Variants in TMEM132D observed in about 807,000 individuals in gnomAD.
The protein encoded by TMEM132D is transmembrane protein 132D.
Under a neutral mutation model 62.3 loss-of-function variants are expected in TMEM132D, and 21 were observed. The ratio of observed to expected loss-of-function variants is 0.34; its 90% CI spans 0.24 to 0.49. The LOEUF is 0.49. Ranked by LOEUF, TMEM132D falls within the 20% of genes least tolerant of loss-of-function variation. The pLI is 0.99. For synonymous variants in TMEM132D, 621 were observed against 575.6 expected, an observed-to-expected ratio of 1.08 and a Z score of -1.13; for missense variants, 1,346 against 1,402.8, an observed-to-expected ratio of 0.96 and a Z score of 0.65.
intron 4 of TMEM132D, among the ~76,000 whole-genome samples, chr12:129,244,806 A>G (rs1880049253): frequency 6.6e-6 from 1 of 151,850 alleles, no homozygotes. Flanking sequence ...ACACCTGACT[A>G]ATTTTTGTAT....
chr12:129,204,245 T>G (rs2135562909), intron 5 of TMEM132D, among the ~76,000 whole-genome samples: 1 of 152,162 alleles, frequency 6.6e-6, no homozygotes, highest in East Asian at 1.9e-4. Context: ...TCACAGAGAT[T>G]CAAGAGAATA....
intron 1 of TMEM132D, among the ~76,000 whole-genome samples, chr12:129,786,299 G>A (rs1871245501): frequency 6.6e-6 from 1 of 152,082 alleles, no homozygotes; most frequent in Admixed American, 6.6e-5. Context: ...CTAAATCTAG[G>A]CTCCAACGAG....
At chr12:129,600,406 G>T (rs1878454455) in intron 2 of TMEM132D, among the ~76,000 whole-genome samples, 1 of 152,186 alleles carries the variant, frequency 6.6e-6, no homozygotes, top group African/African-American at 2.4e-5. Flanking sequence ...ATGAGGGTTG[G>T]AATCAGGTTC....
chr12:129,161,652 G>A (rs1877402946), intron 5 of TMEM132D, among the ~76,000 whole-genome samples: 1 of 152,218 alleles, frequency 6.6e-6, no homozygotes, highest in Admixed American at 6.5e-5. Context: ...TTAAGTTGGA[G>A]AGTCATTGAA....
chr12:129,329,209 T>A lies in TMEM132D; in HGVS notation c.1299+8425A>T, dbSNP rs189913690. Among the ~76,000 whole-genome samples, 308 of 152,024 alleles carry A rather than the reference T, an allele frequency of 2.0e-3. 2 individuals carry two copies. Among genetic ancestry groups the A allele is most frequent in the African/African-American group, 6.2e-3 (257 of 41,472 alleles). ...TGCATGGTACCTAATGAACAGTAAGTATTTGGTGTAATTACTGTGAATGCT... is the reference window on the plus strand; with the variant it reads ...TGCATGGTACCTAATGAACAGTAAGAATTTGGTGTAATTACTGTGAATGCT... On this transcript the variant is annotated intron_variant, in intron 4 of 8. Coordinates refer to ENST00000422113, the MANE Select transcript of TMEM132D (RefSeq NM_133448.3).
chr12:129,495,778 G>C (rs543107094), intron 3 of TMEM132D, among the ~76,000 whole-genome samples: 1 of 152,110 alleles, frequency 6.6e-6, no homozygotes, highest in Non-Finnish European at 1.5e-5. Flanking sequence ...GTGTTTCGTG[G>C]GGATGTCTCT....
intron 2 of TMEM132D, among the ~76,000 whole-genome samples, chr12:129,573,595 T>C (rs1565908464): frequency 1.3e-5 from 2 of 152,160 alleles, no homozygotes. Flanking sequence ...AATACAATTG[T>C]GGATCATGGT....
intron 3 of TMEM132D, among the ~76,000 whole-genome samples, chr12:129,474,917 G>A (rs1417350216): frequency 2.0e-5 from 3 of 152,144 alleles, no homozygotes; most frequent in Non-Finnish European, 4.4e-5. Flanking sequence ...AGAAGGCTGG[G>A]GCTTTGGCCA....
At chr12:129,799,346 GTA>G (rs968444867) in intron 1 of TMEM132D, among the ~76,000 whole-genome samples, 8 of 135,904 alleles carry the variant, frequency 5.9e-5, no homozygotes, top group African/African-American at 2.2e-4. Context: ...ATATATATGT[GTA>G]TATATGTGTG....
intron 2 of TMEM132D, among the ~76,000 whole-genome samples, chr12:129,629,518 C>T (rs1879302879): frequency 6.6e-6 from 1 of 152,218 alleles, no homozygotes; most frequent in African/African-American, 2.4e-5. Context: ...CTTCCTTGAT[C>T]CCATCTCGGT....
chr12:129,084,420 A>C (rs1349251057), intron 6 of TMEM132D, 77 bp downstream of exon 6: 34 of 1,417,480 alleles, frequency 2.4e-5, no homozygotes, highest in Non-Finnish European at 3.1e-5. Context: ...ATGCATCCTC[A>C]GACCCAGTCA....
intron 5 of TMEM132D, among the ~76,000 whole-genome samples, chr12:129,129,843 C>A (rs144003734): frequency 6.4e-4 from 98 of 152,208 alleles, no homozygotes; most frequent in African/African-American, 2.2e-3. Context: ...TTTTATGCCT[C>A]CTCAGGTCCT....
intron 1 of TMEM132D, among the ~76,000 whole-genome samples, chr12:129,704,735 G>A (rs1358565130): frequency 2.0e-5 from 3 of 152,120 alleles, no homozygotes; most frequent in Non-Finnish European, 4.4e-5. Flanking sequence ...CCTCGGTGAA[G>A]GATATGTAAA....
chr12:129,494,610 C>T (rs539490183), intron 3 of TMEM132D, among the ~76,000 whole-genome samples: 24 of 152,222 alleles, frequency 1.6e-4, no homozygotes, highest in Non-Finnish European at 3.2e-4. Flanking sequence ...ATTGGCATTG[C>T]CCCAATTTCT....
rs569137035 is a variant in TMEM132D at position 129,160,756 on chromosome 12, G to A, written c.1443+48764C>T. Among the ~76,000 whole-genome samples the A allele has an allele frequency of 2.0e-5, 3 of 152,290 alleles. No homozygotes were observed. In the East Asian group the frequency reaches 5.8e-4, roughly 29 times the overall value. Reference sequence around the variant, plus strand: ...AGGTCACAAAAATGGAAAGTTCTTAGAGGTTACTACAAAGAAAAAAGAAAC... The same window carrying A: ...AGGTCACAAAAATGGAAAGTTCTTAAAGGTTACTACAAAGAAAAAAGAAAC... On this transcript the variant is annotated intron_variant, in intron 5 of 8. Coordinates refer to ENST00000422113, the MANE Select transcript of TMEM132D (RefSeq NM_133448.3).
chr12:129,799,846 T>G (rs572633431), intron 1 of TMEM132D, among the ~76,000 whole-genome samples: 1 of 152,184 alleles, frequency 6.6e-6, no homozygotes, highest in East Asian at 1.9e-4. Context: ...TCTGAAGATC[T>G]CGCGTGTTAG....
At chr12:129,431,154 A>T (rs1365246369) in intron 3 of TMEM132D, among the ~76,000 whole-genome samples, 1 of 152,186 alleles carries the variant, frequency 6.6e-6, no homozygotes, top group African/African-American at 2.4e-5. Context: ...CCTCTACCTC[A>T]TTTAGTTCTC....
intron 2 of TMEM132D, among the ~76,000 whole-genome samples, chr12:129,628,898 C>T (rs12817614): frequency 0.19 from 28,584 of 151,676 alleles, 3,363 homozygotes; most frequent in Admixed American, 0.33. Flanking sequence ...CTCCCTCTCC[C>T]CATCTTCCTT....
intron 3 of TMEM132D, among the ~76,000 whole-genome samples, chr12:129,368,987 G>A (rs990191456): frequency 6.6e-6 from 1 of 152,210 alleles, no homozygotes; most frequent in African/African-American, 2.4e-5. Flanking sequence ...GCCATCCTGT[G>A]ACAGCGAGGC....
Sources: gnomAD v4.1 joint callset for allele counts (sites outside exome capture counted in the v4.1 genomes callset) on GRCh38, gnomAD v4.1.1 for gene constraint, MANE v1.5 for transcripts, NCBI Gene and HGNC (gene_info 2026-07-23, HGNC 2026-07-21) for gene names.